Variants in RRBP1 observed in about 807,000 individuals in gnomAD.
RRBP1 encodes the protein ribosome-binding protein 1.
RRBP1 carries 94 observed loss-of-function variants against 165.2 expected under a neutral mutation model. The observed-to-expected ratio is 0.57, with a 90% CI of 0.48 to 0.68. The LOEUF (loss-of-function observed/expected upper bound fraction) is 0.68, where lower values mean the gene tolerates loss of function less well. Ranked by LOEUF, RRBP1 falls within the 30% of genes least tolerant of loss-of-function variation. RRBP1 has a pLI of 0.00. For missense variants in RRBP1, 1,676 were observed against 1,763.0 expected (o/e 0.95, Z 0.88); for synonymous variants, 680 against 714.5 (o/e 0.95, Z 0.77).
chr20:17,614,563 G>A (rs762689748), intron 24 of RRBP1, among the ~76,000 whole-genome samples, 174 bp downstream of exon 24: 2 of 152,106 alleles, frequency 1.3e-5, no homozygotes, highest in Non-Finnish European at 1.5e-5. Context: ...TGAAGCCCTC[G>A]TTAGGAAGTC....
intron 1 of RRBP1, among the ~76,000 whole-genome samples, chr20:17,681,373 T>C (rs1317082894): frequency 6.8e-6 from 1 of 146,740 alleles, no homozygotes; most frequent in Non-Finnish European, 1.5e-5. Context: ...GTCCGTGCCA[T>C]GGACAGACCC....
At chr20:17,662,960 G>A (rs1306687419) in intron 2 of RRBP1, among the ~76,000 whole-genome samples, 1 of 152,092 alleles carries the variant, frequency 6.6e-6, no homozygotes, top group East Asian at 1.9e-4. Context: ...AGGATCGCTT[G>A]AGCTCTGGAG....
chr20:17,624,532 G>A (rs1280024136), intron 13 of RRBP1, 44 bp downstream of exon 13: 6 of 1,319,248 alleles, frequency 4.5e-6, no homozygotes, highest in Non-Finnish European at 6.4e-6. Flanking sequence ...GTGCATCCTA[G>A]TGCACTTTCC....
At chr20:17,677,489 A>T (rs2122518252) in intron 2 of RRBP1, among the ~76,000 whole-genome samples, 1 of 152,322 alleles carries the variant, frequency 6.6e-6, no homozygotes, top group East Asian at 1.9e-4. Flanking sequence ...AGATGAGCCC[A>T]CAAGTACAAC....
chr20:17,659,754 C>T lies in RRBP1; in HGVS notation c.754G>A (p.Ala252Thr), dbSNP rs1172421861. The change falls in exon 3 of 25, where the codon GCA (alanine) becomes ACA (threonine). Residue 252 changes from alanine (A) to threonine (T), a missense_variant. Coordinates refer to ENST00000377813, the MANE Select transcript of RRBP1 (RefSeq NM_001365613.2). The part of the protein sequence containing the change: ...AEGTPNQGKK[A>T]EGTPNQGKKA... ...TTGCCTTGGTTTGGGGTTCCTTCTG[C>T]CTTTTTGCCTTGGTTTGGGGTTCCC... 2.6e-6 allele frequency: 4 copies of T among 1,550,478 alleles called. No individual in the cohort carries two copies. Among genetic ancestry groups the T allele is most frequent in the East Asian group, 4.9e-5 (2 of 40,908 alleles).
chr20:17,670,888 AG>A (rs1335676050), intron 2 of RRBP1, among the ~76,000 whole-genome samples: 1 of 152,140 alleles, frequency 6.6e-6, no homozygotes, highest in Non-Finnish European at 1.5e-5. Flanking sequence ...CAAAATTCTC[AG>A]TCATTAGCTT....
chr20:17,670,463 C>T (rs2036956259), intron 2 of RRBP1, among the ~76,000 whole-genome samples: 1 of 148,926 alleles, frequency 6.7e-6, no homozygotes, highest in Admixed American at 6.7e-5. Context: ...AACAGTAACA[C>T]ACAGCACTCA....
intron 3 of RRBP1, among the ~76,000 whole-genome samples, chr20:17,656,389 C>T (rs1039011533): frequency 6.6e-6 from 1 of 152,204 alleles, no homozygotes; most frequent in Non-Finnish European, 1.5e-5. Flanking sequence ...CATCTTCCAC[C>T]ATCTGGGCTA....
chr20:17,627,447 A>G, intron 10 of RRBP1, 57 bp downstream of exon 10: 4 of 1,609,290 alleles, frequency 2.5e-6, no homozygotes, highest in Non-Finnish European at 3.4e-6. Context: ...GGGCTAGTCC[A>G]CCCACCTGCT....
chr20:17,681,580 G>C (rs1173281885), intron 1 of RRBP1, among the ~76,000 whole-genome samples: 1 of 106,504 alleles, frequency 9.4e-6, no homozygotes, highest in East Asian at 3.0e-4. Flanking sequence ...ACTCCAGCCC[G>C]GCAACGTCAT....
intron 19 of RRBP1, 21 bp from the exon 20 acceptor site, chr20:17,618,700 G>A (rs565362797): frequency 6.5e-5 from 103 of 1,587,898 alleles, no homozygotes; most frequent in South Asian, 4.2e-4. Context: ...AAACAGAGGC[G>A]GGTGATGGGA....
intron 5 of RRBP1, among the ~76,000 whole-genome samples, chr20:17,638,710 T>A (rs376847544): frequency 5.5e-5 from 1 of 18,118 alleles, no homozygotes; most frequent in African/African-American, 2.0e-4. Flanking sequence ...AAAGCATTCC[T>A]GATGGTGGTG....
In RRBP1 at chr20:17,619,624, C is replaced by A. The variant is rs1164546892; in HGVS notation, c.3675+9G>T. The A allele has an allele frequency of 1.2e-6, 2 of 1,603,462 alleles. No homozygotes were observed. The highest frequency in any genetic ancestry group is 1.7e-6 in the Non-Finnish European group (2 of 1,173,782). On this transcript the variant is annotated intron_variant, in intron 19 of 24. Transcript: ENST00000377813. ...GGCAGGGGCTGCACTCCTTGGGGGGCAGACTCACCCCTGCCACCTCCTTGG... is the reference window on the plus strand; with the variant it reads ...GGCAGGGGCTGCACTCCTTGGGGGGAAGACTCACCCCTGCCACCTCCTTGG...
At position 17,621,671 on chromosome 20, in the gene RRBP1, G is replaced by A; in HGVS notation, c.3324+19C>T. On this transcript the variant is annotated intron_variant, in intron 15 of 24. Coordinates refer to ENST00000377813, the MANE Select transcript of RRBP1 (RefSeq NM_001365613.2). Reference sequence around the variant, plus strand: ...CAGGGGAGCCCAACAGAGGAGCCTTGCCAGGCAGCCACACTTACCGAGGAG... The same window carrying A: ...CAGGGGAGCCCAACAGAGGAGCCTTACCAGGCAGCCACACTTACCGAGGAG... 1 of 1,611,702 alleles carries A rather than the reference G, an allele frequency of 6.2e-7. No individual in the cohort carries two copies. The highest frequency in any genetic ancestry group is 8.5e-7 in the Non-Finnish European group (1 of 1,178,678).
chr20:17,641,632 C>T (rs2036360585), intron 5 of RRBP1, 165 bp downstream of exon 5: 5 of 845,584 alleles, frequency 5.9e-6, no homozygotes, highest in Non-Finnish European at 9.5e-6. Flanking sequence ...CGGCCCTTGG[C>T]TCTTTAGGCA....
chr20:17,659,909 T>C lies in RRBP1; in HGVS notation c.599A>G (p.Lys200Arg). 1 of 1,562,022 alleles carries C rather than the reference T, an allele frequency of 6.4e-7. No individual in the cohort carries two copies. ...NTPATGTTQG[K>R]KAEGTQNQSK... ...TTGATTCTGAGTCCCCTCCGCCTTT[T>C]TGCCCTGAGTAGTGCCAGTGGCTGG... is the stretch of plus-strand genomic sequence containing the variant. The change falls in exon 3 of 25, where the codon AAA (lysine) becomes AGA (arginine). Residue 200 changes from lysine (K) to arginine (R), a missense_variant. Lys to Arg is a conservative substitution (Grantham distance 26). Transcript: ENST00000377813.
intron 1 of RRBP1, among the ~76,000 whole-genome samples, chr20:17,681,767 C>T (rs2037195047): frequency 6.6e-6 from 1 of 150,728 alleles, no homozygotes; most frequent in African/African-American, 2.4e-5. Context: ...GCCGCAGCTC[C>T]CCGGACGGCG....
Position 17,625,549 on chromosome 20 carries a change from A to G in RRBP1, c.3017T>C (p.Leu1006Pro). 6.2e-7 allele frequency: 1 copy of G among 1,613,756 alleles called. No individual in the cohort carries two copies. The highest frequency in any genetic ancestry group is 8.5e-7 in the Non-Finnish European group (1 of 1,179,902). ...TTTCTGCTGCTCGACGGCCTCCCTG[A>G]GCTCGATGGCCTCCTTCTCCAGACC... Reference protein sequence around the residue: ...VSGLEKEAIELREAVEQQKVK... With the variant: ...VSGLEKEAIEPREAVEQQKVK... Residue 1006 changes from leucine (L) to proline (P), a missense_variant, in exon 12 of 25, where the codon CTC becomes CCC. By Grantham distance (98) the Leu-to-Pro change is moderately conservative. This residue lies in a region of RRBP1 where 1,184 missense variants were observed against 1,167.1 expected (regional missense o/e 1.01). Transcript: ENST00000377813.
At chr20:17,662,482 A>G (rs2122462484) in intron 2 of RRBP1, among the ~76,000 whole-genome samples, 1 of 152,248 alleles carries the variant, frequency 6.6e-6, no homozygotes, top group East Asian at 1.9e-4. Context: ...CACACTTTTC[A>G]TTCCAGTCTT....
Sources: allele counts gnomAD v4.1 joint callset (sites outside exome capture counted in the v4.1 genomes callset), GRCh38; gene constraint gnomAD v4.1.1; regional missense constraint gnomAD v4.1.1; transcripts MANE v1.5; gene names NCBI Gene and HGNC (gene_info 2026-07-23, HGNC 2026-07-21).